ZC3H12B: variants seen among roughly 807,000 people sequenced by gnomAD.
The protein encoded by ZC3H12B is zinc finger CCCH-type containing 12B, also known as probable ribonuclease ZC3H12B.
In ZC3H12B, 7 loss-of-function variants were observed where a neutral mutation model predicts 43.9. The observed-to-expected ratio is 0.16, with a 90% CI of 0.09 to 0.30. ZC3H12B has a LOEUF of 0.30. ZC3H12B is among the 10% of genes least tolerant of loss of function. The pLI is 1.00. For missense variants in ZC3H12B, 475 were observed against 670.2 expected (o/e 0.71, Z 3.22); for synonymous variants, 222 against 241.7 (o/e 0.92, Z 0.76).
intron 3 of ZC3H12B, among the ~76,000 whole-genome samples, chrX:65,429,924 G>A (rs1198248623): frequency 8.9e-6 from 1 of 112,157 alleles, no homozygotes; most frequent in African/African-American, 3.2e-5. Flanking sequence ...CAGAGATGGT[G>A]GCCACCTCTC....
chrX:65,140,138 G>A, the ZC3H12B span, among the ~76,000 whole-genome samples: 1 of 111,244 alleles, frequency 9.0e-6, no homozygotes, highest in Non-Finnish European at 1.9e-5. Context: ...TTGAATAAAA[G>A]TGTTGACAGT....
the ZC3H12B span, among the ~76,000 whole-genome samples, chrX:65,284,977 A>G: frequency 9.0e-6 from 1 of 111,438 alleles, no homozygotes; most frequent in East Asian, 2.8e-4. Context: ...ATCTTTCATG[A>G]CTTTTGGGAA....
the ZC3H12B span, among the ~76,000 whole-genome samples, chrX:65,193,276 G>T: frequency 9.0e-6 from 1 of 110,956 alleles, no homozygotes; most frequent in Non-Finnish European, 1.9e-5. Context: ...CAGCAGTGAA[G>T]CCAATTTGCT....
chrX:65,251,579 T>A, the ZC3H12B span, among the ~76,000 whole-genome samples: 1 of 111,803 alleles, frequency 8.9e-6, no homozygotes, highest in African/African-American at 3.3e-5. Context: ...GATCATGGAA[T>A]GTTTTTCCAT....
At chrX:65,452,976 C>A (rs1431557149) in intron 3 of ZC3H12B, among the ~76,000 whole-genome samples, 1 of 110,386 alleles carries the variant, frequency 9.1e-6, no homozygotes, top group Non-Finnish European at 1.9e-5. Context: ...ATGCCACCAT[C>A]ATTCACAGAA....
chrX:65,037,003 A>T, the ZC3H12B span, among the ~76,000 whole-genome samples: 4 of 105,993 alleles, frequency 3.8e-5, no homozygotes, highest in African/African-American at 1.0e-4. Context: ...TTTTTTTTTT[A>T]AAGTGACTTT....
At chrX:65,386,677 C>T (rs183600486) in intron 2 of ZC3H12B, among the ~76,000 whole-genome samples, 47 of 111,234 alleles carry the variant, frequency 4.2e-4, no homozygotes, top group African/African-American at 1.5e-3. Flanking sequence ...TTATTTCTTG[C>T]CTTCTGCTAC....
intron 3 of ZC3H12B, among the ~76,000 whole-genome samples, chrX:65,432,215 C>T (rs1021153519): frequency 9.0e-6 from 1 of 111,666 alleles, no homozygotes; most frequent in African/African-American, 3.3e-5. Context: ...ATGTTCAACT[C>T]TGTGGCTTGG....
At chrX:65,158,927 T>C in the ZC3H12B span, among the ~76,000 whole-genome samples, 1 of 112,147 alleles carries the variant, frequency 8.9e-6, no homozygotes, top group Non-Finnish European at 1.9e-5. Flanking sequence ...AAGTCTTTAA[T>C]CCATCTTGAA....
chrX:65,345,302 C>T, the ZC3H12B span, among the ~76,000 whole-genome samples: 1 of 112,060 alleles, frequency 8.9e-6, no homozygotes, highest in African/African-American at 3.2e-5. Flanking sequence ...AACCTAAGAG[C>T]TTGTCAGTGG....
At chrX:65,135,750 CTT>C in the ZC3H12B span, among the ~76,000 whole-genome samples, 17 of 69,840 alleles carry the variant, frequency 2.4e-4, no homozygotes, top group African/African-American at 3.4e-4. Context: ...TGTTTGTTTT[CTT>C]TTTTTTTTTT....
At chrX:65,133,436 C>T in the ZC3H12B span, among the ~76,000 whole-genome samples, 1 of 109,099 alleles carries the variant, frequency 9.2e-6, no homozygotes, top group African/African-American at 3.4e-5. Context: ...AGGGTTGTTG[C>T]CAAATGGGCC....
At chrX:65,399,554 GA>G (rs1049756666) in intron 3 of ZC3H12B, among the ~76,000 whole-genome samples, 59 of 111,762 alleles carry the variant, frequency 5.3e-4, no homozygotes, top group African/African-American at 1.5e-3. Flanking sequence ...AGAATGTGGA[GA>G]AAAAGGAAAC....
the ZC3H12B span, among the ~76,000 whole-genome samples, chrX:65,059,652 G>A: frequency 1.8e-4 from 20 of 111,278 alleles, no homozygotes; most frequent in East Asian, 5.7e-3. Flanking sequence ...TTGAAGTCAG[G>A]TAATGTGATT....
the ZC3H12B span, among the ~76,000 whole-genome samples, chrX:65,071,076 G>T: frequency 9.2e-6 from 1 of 108,854 alleles, no homozygotes; most frequent in Non-Finnish European, 1.9e-5. Context: ...CTATTATTGT[G>T]TGTGAAACAA....
At chrX:65,248,922 G>A in the ZC3H12B span, among the ~76,000 whole-genome samples, 2 of 110,979 alleles carry the variant, frequency 1.8e-5, no homozygotes, top group Non-Finnish European at 3.8e-5. Flanking sequence ...CTTTTTGATG[G>A]GATTGTTTGT....
At chrX:65,136,116 G>T in the ZC3H12B span, among the ~76,000 whole-genome samples, 1 of 111,542 alleles carries the variant, frequency 9.0e-6, no homozygotes, top group Admixed American at 9.6e-5. Flanking sequence ...TGAAACCTCA[G>T]AATTTTTGCT....
chrX:65,496,149 AC>A (rs1164332464), intron 1 of ZC3H12B, among the ~76,000 whole-genome samples: 1 of 112,431 alleles, frequency 8.9e-6, no homozygotes, highest in Non-Finnish European at 1.9e-5. Context: ...GTTTTCTTCT[AC>A]AAAATCGGTG....
the ZC3H12B span, among the ~76,000 whole-genome samples, chrX:65,282,877 C>T: frequency 1.8e-5 from 2 of 111,449 alleles, no homozygotes; most frequent in African/African-American, 6.5e-5. Context: ...GATTCACAGC[C>T]GAATTCTACC....
Sources: allele counts gnomAD v4.1 joint callset (sites outside exome capture counted in the v4.1 genomes callset), GRCh38; gene constraint gnomAD v4.1.1; transcripts MANE v1.5; gene names NCBI Gene and HGNC (gene_info 2026-07-23, HGNC 2026-07-21).